The following MOBP variants were observed in gnomAD, a reference collection of about 807,000 sequenced individuals.
MOBP encodes myelin-associated oligodendrocyte basic protein.
Under a neutral mutation model 15.0 loss-of-function variants are expected in MOBP, and 5 were observed. That is an observed-to-expected ratio of 0.33 (90% CI 0.17 to 0.70). MOBP has a LOEUF of 0.70. Ranked by LOEUF, MOBP falls within the 30% of genes least tolerant of loss-of-function variation. The pLI is 0.67. For missense variants in MOBP, 188 were observed against 257.8 expected, an observed-to-expected ratio of 0.73 and a Z score of 1.85; for synonymous variants, 88 against 99.0, an observed-to-expected ratio of 0.89 and a Z score of 0.66.
intron 2 of MOBP, among the ~76,000 whole-genome samples, chr3:39,490,891 G>T (rs564278322): frequency 8.5e-5 from 13 of 152,238 alleles, no homozygotes; most frequent in Admixed American, 2.6e-4. Flanking sequence ...CTAATCATTT[G>T]AAGGCACAGG....
chr3:39,506,061 C>A (rs896858020), downstream of MOBP, among the ~76,000 whole-genome samples: 1 of 152,118 alleles, frequency 6.6e-6, no homozygotes, highest in Non-Finnish European at 1.5e-5. Context: ...AGTCCCCCAC[C>A]CCTCCCTGTG....
At chr3:39,518,905 G>C (rs989748609), downstream of MOBP, among the ~76,000 whole-genome samples, 6 of 152,224 alleles carry the variant, frequency 3.9e-5, no homozygotes, top group Non-Finnish European at 8.8e-5. Flanking sequence ...GGATGGCATA[G>C]TGGGGATTAG....
At chr3:39,509,138 G>A (rs1461242164) in intron 4 of MOBP, among the ~76,000 whole-genome samples, 1 of 151,842 alleles carries the variant, frequency 6.6e-6, no homozygotes, top group Admixed American at 6.6e-5. Context: ...ACATGCCACA[G>A]TTTGCTACTC....
rs1487810636 is a variant in MOBP at position 39,468,988 on chromosome 3, ATATG to A, written c.-89+1250_-89+1253del. On this transcript the variant is annotated intron_variant, in intron 1 of 3. Transcript: ENST00000684792. ...TGTGTGTGTATATATACATATATAC[ATATG>A]TGTGTGTATATATACATATATACAT... Among the ~76,000 whole-genome samples the A allele has an allele frequency of 3.8e-4, 32 of 83,782 alleles. 1 individual carries two copies. The highest frequency in any genetic ancestry group is 2.7e-3 in the African/African-American group (30 of 11,226). 55.0% of individuals were successfully genotyped at this position (83,782 alleles called of 152,430 possible).
At chr3:39,498,982 T>C (rs9873735) in intron 2 of MOBP, among the ~76,000 whole-genome samples, 9,349 of 152,178 alleles carry the variant, frequency 0.061, 847 homozygotes, top group African/African-American at 0.19. Flanking sequence ...CAAATCTCCT[T>C]CTTATCACAT....
At chr3:39,503,558 T>TTG (rs1449818946), downstream of MOBP, among the ~76,000 whole-genome samples, 2 of 151,238 alleles carry the variant, frequency 1.3e-5, no homozygotes, top group African/African-American at 4.9e-5. Context: ...AGGCTATTTT[T>TTG]TTTTTTTTTT....
At chr3:39,519,028 CTCTTAAGTACA>C (rs1275173249), downstream of MOBP, among the ~76,000 whole-genome samples, 1 of 152,086 alleles carries the variant, frequency 6.6e-6, no homozygotes, top group Non-Finnish European at 1.5e-5. Context: ...TTTCTTTGAT[CTCTTAAGTACA>C]TCAATCTTTG....
At chr3:39,485,215 T>C (rs1374576004) in intron 2 of MOBP, among the ~76,000 whole-genome samples, 1 of 152,182 alleles carries the variant, frequency 6.6e-6, no homozygotes, top group Non-Finnish European at 1.5e-5. Context: ...CGGAGACAAA[T>C]GGATAAACAA....
At chr3:39,529,300 A>G (rs2043365899), downstream of MOBP, 2 of 152,248 alleles carry the variant, frequency 1.3e-5, no homozygotes, top group Admixed American at 1.3e-4. Flanking sequence ...AATAAAGTAT[A>G]GGAAATACAT....
At chr3:39,509,087 T>C (rs2043085787) in intron 4 of MOBP, among the ~76,000 whole-genome samples, 1 of 91,108 alleles carries the variant, frequency 1.1e-5, no homozygotes, top group African/African-American at 4.0e-5. Flanking sequence ...TGTGTGAGAG[T>C]GTTTGTGTGT....
chr3:39,478,151 C>T (rs1265055143), intron 1 of MOBP, among the ~76,000 whole-genome samples: 1 of 152,174 alleles, frequency 6.6e-6, no homozygotes, highest in Admixed American at 6.5e-5. Context: ...TACTGATTCA[C>T]CCAGAGCAAC....
chr3:39,480,723 T>G (rs2042616337), intron 2 of MOBP, among the ~76,000 whole-genome samples: 1 of 152,162 alleles, frequency 6.6e-6, no homozygotes. Flanking sequence ...CGCTGATGGT[T>G]TTTTACTGGG....
intron 2 of MOBP, among the ~76,000 whole-genome samples, chr3:39,495,431 G>T (rs1324337975): frequency 6.6e-6 from 1 of 151,444 alleles, no homozygotes; most frequent in Non-Finnish European, 1.5e-5. Flanking sequence ...CATATATGAA[G>T]CATTTGACTC....
intron 2 of MOBP, among the ~76,000 whole-genome samples, chr3:39,482,676 C>T (rs1164180692): frequency 6.7e-6 from 1 of 148,924 alleles, no homozygotes; most frequent in African/African-American, 2.5e-5. Flanking sequence ...AAAAAAGCAC[C>T]TCTGACTATG....
chr3:39,468,156 C>A (rs1233617354), intron 1 of MOBP, among the ~76,000 whole-genome samples: 3 of 151,552 alleles, frequency 2.0e-5, no homozygotes, highest in Non-Finnish European at 4.4e-5. Context: ...TATCTAGGAA[C>A]AATTTTTTTC....
At chr3:39,512,944 T>TC (rs2043138580) in intron 4 of MOBP, among the ~76,000 whole-genome samples, 1 of 152,228 alleles carries the variant, frequency 6.6e-6, no homozygotes, top group African/African-American at 2.4e-5. Flanking sequence ...CACGATTTGT[T>TC]CCCTCATCAA....
At chr3:39,485,883 A>G (rs533241860) in intron 2 of MOBP, among the ~76,000 whole-genome samples, 2 of 152,310 alleles carry the variant, frequency 1.3e-5, no homozygotes, top group South Asian at 4.1e-4. Flanking sequence ...TATTTGTAAT[A>G]TGATTGCTAG....
At chr3:39,486,792 GGTT>G (rs111621927) in intron 2 of MOBP, among the ~76,000 whole-genome samples, 12,609 of 151,898 alleles carry the variant, frequency 0.083, 854 homozygotes, top group African/African-American at 0.18. Context: ...TTTTCTTTCG[GGTT>G]GTTTTTTCCT....
chr3:39,470,610 T>G (rs2042455880), intron 1 of MOBP, among the ~76,000 whole-genome samples: 2 of 152,198 alleles, frequency 1.3e-5, no homozygotes, highest in South Asian at 4.1e-4. Context: ...AAAGATGAGC[T>G]GAAAATGAAC....
Sources: allele counts gnomAD v4.1 joint callset (sites outside exome capture counted in the v4.1 genomes callset), GRCh38; gene constraint gnomAD v4.1.1; transcripts MANE v1.5; gene names NCBI Gene and HGNC (gene_info 2026-07-23, HGNC 2026-07-21).